Variants in CLEC16A observed in about 807,000 individuals in gnomAD.
CLEC16A encodes the protein protein CLEC16A.
Under a neutral mutation model 109.5 loss-of-function variants are expected in CLEC16A, and 51 were observed. The ratio of observed to expected loss-of-function variants is 0.47; its 90% CI spans 0.37 to 0.59. The LOEUF is 0.59. Ranked by LOEUF, CLEC16A falls within the 20% of genes least tolerant of loss-of-function variation. The probability of loss-of-function intolerance (pLI) is 0.00; values close to 1 mark genes in which losing one functional copy is unlikely to be tolerated. For missense variants in CLEC16A, 1,339 were observed against 1,394.0 expected (o/e 0.96, Z 0.63); for synonymous variants, 673 against 564.2 (o/e 1.19, Z -2.73).
rs200372176 is a variant in CLEC16A, at chr16:11,020,293, C to T, written c.1404C>T (p.Ala468=). The change falls in exon 12 of 24, where the codon GCC becomes GCT. Residue 468 remains alanine (A), a synonymous_variant. Transcript: ENST00000409790. ...QNTTDEEKSA[A]ATCSESTQWS... The stretch of plus-strand genomic sequence containing the variant: ...CCACGGACGAGGAGAAAAGCGCCGC[C>T]GCCACCTGCTCTGAGAGCACGCAAT... 2.4e-5 allele frequency: 39 copies of T among 1,613,138 alleles called. No individual in the cohort carries two copies. The highest frequency in any genetic ancestry group is 3.3e-4 in the Middle Eastern group (2 of 6,078).
chr16:11,089,059 G>A (rs1036862136), intron 19 of CLEC16A, among the ~76,000 whole-genome samples: 1 of 152,134 alleles, frequency 6.6e-6, no homozygotes, highest in African/African-American at 2.4e-5. Flanking sequence ...GGGGGAGGGT[G>A]TCCTTCTGGA....
At chr16:11,095,909 C>G (rs1012119723) in intron 19 of CLEC16A, among the ~76,000 whole-genome samples, 1 of 151,740 alleles carries the variant, frequency 6.6e-6, no homozygotes, top group South Asian at 2.1e-4. Context: ...TTAATGGACT[C>G]AAACTCCTGG....
intron 11 of CLEC16A, among the ~76,000 whole-genome samples, chr16:11,005,136 C>G (rs1463141956): frequency 6.6e-6 from 1 of 152,184 alleles, no homozygotes. Flanking sequence ...GCTCTCTAAC[C>G]AGGCCTCAGC....
At chr16:11,148,351 C>G (rs2054154826) in intron 22 of CLEC16A, among the ~76,000 whole-genome samples, 1 of 152,098 alleles carries the variant, frequency 6.6e-6, no homozygotes, top group Admixed American at 6.5e-5. Flanking sequence ...CTAGTTGTGG[C>G]CTTTTTGTAT....
intron 19 of CLEC16A, among the ~76,000 whole-genome samples, chr16:11,107,769 G>T (rs943119131): frequency 6.6e-6 from 1 of 152,212 alleles, no homozygotes; most frequent in African/African-American, 2.4e-5. Context: ...ACTCAAGTTA[G>T]CTCCCAAGGA....
At chr16:11,057,129 T>C (rs1374512525) in intron 18 of CLEC16A, 3 of 155,984 alleles carry the variant, frequency 1.9e-5, no homozygotes, top group Non-Finnish European at 4.4e-5. Context: ...GAATGTGTTT[T>C]TTTCATGACC....
In CLEC16A at chr16:11,178,452, A is replaced by G; in HGVS notation, c.2924A>G (p.Glu975Gly). ...SKNVARSAAVETASLSPSLVP... is the reference protein window; with the variant it reads ...SKNVARSAAVGTASLSPSLVP... ...AACGTGGCCAGGAGCGCAGCCGTGG[A>G]GACAGCCAGCCTGTCCCCCAGCCTC... The change falls in exon 24 of 24, where the codon GAG becomes GGG. Residue 975 changes from glutamate (E) to glycine (G), a missense_variant. Physicochemically the swap from Glu to Gly is moderately conservative, Grantham distance 98. This residue lies in a region of CLEC16A where 1,061 missense variants were observed against 1,006.8 expected (regional missense o/e 1.05). Transcript: ENST00000409790. This position sits in a 1 kb window ranked among gnomAD's most constrained non-coding sequence, Gnocchi z 6.5. The G allele has an allele frequency of 6.2e-7, 1 of 1,613,536 alleles. No individual in the cohort carries two copies. The highest frequency in any genetic ancestry group is 2.2e-5 in the East Asian group (1 of 44,888).
At chr16:11,146,806 G>C (rs752796760) in intron 22 of CLEC16A, among the ~76,000 whole-genome samples, 2 of 152,122 alleles carry the variant, frequency 1.3e-5, no homozygotes, top group Non-Finnish European at 2.9e-5. Flanking sequence ...GGAGCCAACA[G>C]ATCTTTAATC....
Position 11,149,464 on chromosome 16 carries a change from TA to T in CLEC16A, c.2642-16913del, listed in dbSNP as rs553743709. 8.7e-4 allele frequency among the ~76,000 whole-genome samples: 128 copies of T among 147,974 alleles called. 1 individual carries two copies. The highest frequency in any genetic ancestry group is 8.0e-3 in the East Asian group (41 of 5,136). On this transcript the variant is annotated intron_variant, in intron 22 of 23. Transcript: ENST00000409790. Reference sequence around the variant, plus strand: ...CCCTGTTTTGTCTCTTTCTCTCATTTAAAAAAAAAAATACATGAGTTGATTG... The same window carrying T: ...CCCTGTTTTGTCTCTTTCTCTCATTTAAAAAAAAAATACATGAGTTGATTG...
chr16:11,106,687 G>GT (rs2051243313), intron 19 of CLEC16A, among the ~76,000 whole-genome samples: 1 of 151,976 alleles, frequency 6.6e-6, no homozygotes, highest in South Asian at 2.1e-4. Context: ...TTCCTTAGAG[G>GT]TGAGGAAGTG....
chr16:11,003,970 CAAAAAAAAAA>C (rs962482634), intron 11 of CLEC16A, among the ~76,000 whole-genome samples: 5 of 57,992 alleles, frequency 8.6e-5, no homozygotes, highest in East Asian at 1.1e-3. Context: ...CCTGTCTCTA[CAAAAAAAAAA>C]AAAAAAAAAG....
At chr16:11,059,918 A>G (rs2048392531) in intron 18 of CLEC16A, among the ~76,000 whole-genome samples, 1 of 152,190 alleles carries the variant, frequency 6.6e-6, no homozygotes. Context: ...AGCTGTCCCC[A>G]TGGGGCACTG....
intron 19 of CLEC16A, among the ~76,000 whole-genome samples, chr16:11,106,305 G>C (rs1260014550): frequency 6.6e-6 from 1 of 151,980 alleles, no homozygotes; most frequent in South Asian, 2.1e-4. Flanking sequence ...ACTTTTTTGT[G>C]GGGGAGAGTT....
At chr16:11,017,601 G>A (rs747760208) in intron 11 of CLEC16A, among the ~76,000 whole-genome samples, 27 of 152,174 alleles carry the variant, frequency 1.8e-4, no homozygotes, top group Non-Finnish European at 2.9e-4. Flanking sequence ...CTTCACAGTG[G>A]CGAAAGCTGA....
At chr16:10,985,820 G>A (rs567348732) in intron 10 of CLEC16A, among the ~76,000 whole-genome samples, 26 of 150,290 alleles carry the variant, frequency 1.7e-4, no homozygotes, top group Non-Finnish European at 2.8e-4. Flanking sequence ...GGGTTCAAGC[G>A]TCAGCCTCCC....
In CLEC16A at chr16:11,036,544, C is replaced by CTTTTTTTTTTTT. The variant is rs71404440; in HGVS notation, c.1538-3199_1538-3188dup. 4.5e-5 allele frequency among the ~76,000 whole-genome samples: 6 copies of CTTTTTTTTTTTT among 131,944 alleles called. 1 individual carries two copies. Among genetic ancestry groups the CTTTTTTTTTTTT allele is most frequent in the African/African-American group, 1.8e-4 (6 of 34,190 alleles). The allele number at this position is 131,944 out of a possible 152,430, so 86.6% of individuals were successfully genotyped here. ...CTTGTGTTCTTTTGTTCTAATTTTC[C>CTTTTTTTTTTTT]TTTTTTTTTTTTTTTTTTTTTTGAG... On this transcript the variant is annotated intron_variant, in intron 13 of 23. Transcript: ENST00000409790.
At chr16:11,128,512 G>T (rs1237284261) in intron 22 of CLEC16A, among the ~76,000 whole-genome samples, 1 of 152,252 alleles carries the variant, frequency 6.6e-6, no homozygotes, top group Non-Finnish European at 1.5e-5. Flanking sequence ...CCCCTTGGCT[G>T]TGTCTCCCCT....
At position 11,180,500 on chromosome 16, in the gene CLEC16A, G is replaced by A. The variant is rs1222407176; in HGVS notation, c.*1810G>A. On this transcript the variant is annotated 3_prime_UTR_variant, in exon 24 of 24. Transcript: ENST00000409790. The stretch of plus-strand genomic sequence containing the variant: ...GGAAGGCAGGGTGGAGCGGGGGGAA[G>A]ACCATCATGGAGAGAAGGACCACAG... 1 of 152,564 alleles carries A rather than the reference G, an allele frequency of 6.6e-6. No homozygotes were observed. Among genetic ancestry groups the A allele is most frequent in the Non-Finnish European group, 1.5e-5 (1 of 68,262 alleles). The allele number at this position is 152,564 out of a possible 1,614,324, so 9.5% of individuals were successfully genotyped here. A position where few individuals can be genotyped will look rare whatever the true frequency, so the allele number is the denominator to read the frequency against.
chr16:11,069,591 C>G (rs991018324), intron 19 of CLEC16A, among the ~76,000 whole-genome samples: 2 of 151,604 alleles, frequency 1.3e-5, no homozygotes, highest in Non-Finnish European at 2.9e-5. Context: ...TTTCGTGCCA[C>G]CATGTCCAGC....
Sources: gnomAD v4.1 joint callset for allele counts (sites outside exome capture counted in the v4.1 genomes callset) on GRCh38, gnomAD v4.1.1 for gene constraint, gnomAD v4.1.1 regional missense constraint, Gnocchi (gnomAD v3.1) non-coding constraint, MANE v1.5 for transcripts, NCBI Gene and HGNC (gene_info 2026-07-23, HGNC 2026-07-21) for gene names.